The following TACC2 variants were observed in gnomAD, a reference collection of about 807,000 sequenced individuals.
TACC2 encodes the protein transforming acidic coiled-coil-containing protein 2.
TACC2 carries 137 observed loss-of-function variants against 227.3 expected under a neutral mutation model. The observed-to-expected ratio is 0.60, with a 90% CI of 0.52 to 0.69. The LOEUF (loss-of-function observed/expected upper bound fraction) is 0.69. Among genes scored for constraint, TACC2 ranks in the 30% least tolerant of loss-of-function variants. The pLI is 0.00. For synonymous variants in TACC2, 1,523 were observed against 1,487.5 expected (o/e 1.02, Z -0.55); for missense variants, 3,470 against 3,694.4 (o/e 0.94, Z 1.57).
intron 3 of TACC2, among the ~76,000 whole-genome samples, chr10:122,077,566 G>A (rs2078957579): frequency 1.3e-5 from 2 of 152,200 alleles, no homozygotes; most frequent in Admixed American, 1.3e-4. Flanking sequence ...GGAGAGGGAG[G>A]TTGGGGCCAC....
At chr10:122,014,370 C>T (rs1464759592) in intron 1 of TACC2, among the ~76,000 whole-genome samples, 1 of 152,082 alleles carries the variant, frequency 6.6e-6, no homozygotes, top group Non-Finnish European at 1.5e-5. Context: ...CCACCATGCC[C>T]AGCTAATTTT....
chr10:122,066,273 ATT>A (rs71482682), intron 3 of TACC2, among the ~76,000 whole-genome samples: 22 of 131,976 alleles, frequency 1.7e-4, no homozygotes, highest in African/African-American at 2.0e-4. Flanking sequence ...ATGCCCAGCT[ATT>A]TTTTTTTTTT....
intron 1 of TACC2, among the ~76,000 whole-genome samples, chr10:121,989,714 G>GA (rs1952951823): frequency 6.6e-6 from 1 of 151,584 alleles, no homozygotes; most frequent in Non-Finnish European, 1.5e-5. Context: ...TTCAACTTTG[G>GA]AAAAAATTAT....
chr10:122,049,089 G>A (rs2075378147), intron 2 of TACC2, among the ~76,000 whole-genome samples: 1 of 152,236 alleles, frequency 6.6e-6, no homozygotes. Flanking sequence ...CTGATCTGGT[G>A]CAGCTCATCT....
chr10:122,206,348 A>G (rs534477546), intron 8 of TACC2, among the ~76,000 whole-genome samples: 3 of 152,154 alleles, frequency 2.0e-5, no homozygotes, highest in Non-Finnish European at 2.9e-5. Flanking sequence ...GTGGCCTCCA[A>G]TGTTTGTATG....
chr10:122,230,786 A>T (rs1300504009), intron 16 of TACC2, among the ~76,000 whole-genome samples: 1 of 151,862 alleles, frequency 6.6e-6, no homozygotes, highest in Non-Finnish European at 1.5e-5. Flanking sequence ...CAAAATCATG[A>T]CCTTTGAGGG....
chr10:122,105,545 T>C (rs1335664952), intron 5 of TACC2, among the ~76,000 whole-genome samples: 1 of 152,168 alleles, frequency 6.6e-6, no homozygotes, highest in East Asian at 1.9e-4. Flanking sequence ...TGGTGTCTGC[T>C]GGTGTTTTGG....
chr10:122,110,591 A>G (rs1354759993), intron 5 of TACC2, among the ~76,000 whole-genome samples: 6 of 152,170 alleles, frequency 3.9e-5, no homozygotes, highest in Non-Finnish European at 7.3e-5. Context: ...GCACTGCCTG[A>G]GTTCAGTCAT....
chr10:122,195,658 C>T (rs929912285), intron 8 of TACC2, among the ~76,000 whole-genome samples: 1 of 152,158 alleles, frequency 6.6e-6, no homozygotes, highest in Non-Finnish European at 1.5e-5. Context: ...ATCACTTTCC[C>T]ACAACTTTCT....
Position 122,061,377 on chromosome 10 carries a change from C to T in TACC2, c.146+10827C>T, listed in dbSNP as rs145748499. ...GTGACTGGGCAGGTGGGACCATATG[C>T]TGAGATGTGAAAAGCACTAAGGTCA... On this transcript the variant is annotated intron_variant, in intron 3 of 22. Transcript: ENST00000369005. 9.6e-4 allele frequency among the ~76,000 whole-genome samples: 145 copies of T among 151,314 alleles called. 1 individual carries two copies. The highest frequency in any genetic ancestry group is 3.5e-3 in the African/African-American group (143 of 41,256).
chr10:122,013,432 C>T (rs1027213000), intron 1 of TACC2, among the ~76,000 whole-genome samples: 30 of 152,184 alleles, frequency 2.0e-4, no homozygotes, highest in African/African-American at 7.2e-4. Flanking sequence ...GATAACAGAG[C>T]TATTAGTAGC....
chr10:122,101,819 G>T (rs768765952), intron 5 of TACC2, among the ~76,000 whole-genome samples: 2 of 143,470 alleles, frequency 1.4e-5, no homozygotes, highest in Non-Finnish European at 3.0e-5. Context: ...TGATCTGCCT[G>T]CCTTGGCCTC....
chr10:122,025,731 T>C (rs1250197634), intron 2 of TACC2, among the ~76,000 whole-genome samples: 2 of 151,276 alleles, frequency 1.3e-5, no homozygotes, highest in African/African-American at 4.9e-5. Context: ...CCTGCCACCA[T>C]GCCTGGCTAA....
chr10:122,187,378 T>G (rs2094240519), intron 7 of TACC2, among the ~76,000 whole-genome samples: 1 of 152,214 alleles, frequency 6.6e-6, no homozygotes, highest in African/African-American at 2.4e-5. Flanking sequence ...AGCCACAGTT[T>G]GTTCCTGGCC....
chr10:122,130,843 C>T (rs889061282), intron 5 of TACC2, among the ~76,000 whole-genome samples: 7 of 145,454 alleles, frequency 4.8e-5, no homozygotes, highest in African/African-American at 1.9e-4. Context: ...GGCACGTATA[C>T]GTAGTAACCA....
At chr10:122,200,070 C>T (rs2094729062) in intron 8 of TACC2, among the ~76,000 whole-genome samples, 1 of 152,278 alleles carries the variant, frequency 6.6e-6, no homozygotes, top group African/African-American at 2.4e-5. Flanking sequence ...CGAGCCTTTT[C>T]AGGCCTGGAT....
chr10:122,163,628 G>A (rs1565473370), intron 7 of TACC2: 1 of 1,026,546 alleles, frequency 9.7e-7, no homozygotes, highest in Non-Finnish European at 1.2e-6. Context: ...GACCACACCG[G>A]CGCTCACGCT....
rs1236776851 is a variant in TACC2, at chr10:122,085,937, C to A, written c.3437C>A (p.Ala1146Asp). 1.2e-6 allele frequency: 2 copies of A among 1,613,352 alleles called. No homozygotes were observed. Among genetic ancestry groups the A allele is most frequent in the Non-Finnish European group, 1.7e-6 (2 of 1,179,666 alleles). ...AGAGDPGKQQ[A>D]PEKPGEATLS... The stretch of plus-strand genomic sequence containing the variant: ...GCAGGAGACCCAGGAAAGCAGCAGG[C>A]TCCGGAGAAACCTGGAGAAGCTACT... The change falls in exon 4 of 23, where the codon GCT becomes GAT. Residue 1146 changes from alanine to aspartate, a missense_variant. By Grantham distance (126) the Ala-to-Asp change is moderately radical. Transcript: ENST00000369005.
rs115729220 is a variant in TACC2 at position 122,226,604 on chromosome 10, A to G, written c.7724+123A>G. The G allele has an allele frequency of 1.0e-3, 308 of 303,656 alleles. No individual in the cohort carries two copies. The South Asian group carries it at 0.011, about 11-fold the overall frequency. The allele number at this position is 303,656 out of a possible 1,614,324, so 18.8% of individuals were successfully genotyped here. ...GATTCAGGCGGCTGACATGCCACATATTTTTTTTTTTTTTAATAGAGACAG... is the reference window on the plus strand; with the variant it reads ...GATTCAGGCGGCTGACATGCCACATGTTTTTTTTTTTTTTAATAGAGACAG... On this transcript the variant is annotated intron_variant, in intron 13 of 22. Coordinates refer to ENST00000369005, the MANE Select transcript of TACC2 (RefSeq NM_206862.4).
Sources: allele counts gnomAD v4.1 joint callset (sites outside exome capture counted in the v4.1 genomes callset), GRCh38; gene constraint gnomAD v4.1.1; transcripts MANE v1.5; gene names NCBI Gene and HGNC (gene_info 2026-07-23, HGNC 2026-07-21).